Variants in HEMK2 observed in about 807,000 individuals in gnomAD.
HEMK2 encodes the protein methyltransferase HEMK2.
At chr21:28,740,290 A>G in the HEMK2 span, among the ~76,000 whole-genome samples, 1 of 152,232 alleles carries the variant, frequency 6.6e-6, no homozygotes. Context: ...AGACCACGCA[A>G]TAAGATTTTC....
chr21:28,791,831 G>A, the HEMK2 span, among the ~76,000 whole-genome samples: 2 of 152,080 alleles, frequency 1.3e-5, no homozygotes, highest in Non-Finnish European at 2.9e-5. Context: ...CTGCTGGGCT[G>A]TATTCCCAGG....
the HEMK2 span, among the ~76,000 whole-genome samples, chr21:28,709,761 A>G: frequency 1.6e-4 from 24 of 152,296 alleles, no homozygotes; most frequent in African/African-American, 5.8e-4. Flanking sequence ...ACAGGAAACT[A>G]GAGGGCTGGG....
At chr21:28,661,551 T>C in the HEMK2 span, among the ~76,000 whole-genome samples, 1 of 152,032 alleles carries the variant, frequency 6.6e-6, no homozygotes, top group Admixed American at 6.6e-5. Context: ...AAATAACATA[T>C]ATATGTATGC....
chr21:28,823,567 C>T, the HEMK2 span, among the ~76,000 whole-genome samples: 23 of 152,050 alleles, frequency 1.5e-4, no homozygotes, highest in African/African-American at 4.6e-4. Context: ...CAACCTAATC[C>T]GCAATGTGGG....
chr21:28,769,669 A>T, the HEMK2 span, among the ~76,000 whole-genome samples: 64 of 152,270 alleles, frequency 4.2e-4, no homozygotes, highest in Non-Finnish European at 8.4e-4. Context: ...ATGACTCAAA[A>T]GGGAACCAGT....
the HEMK2 span, among the ~76,000 whole-genome samples, chr21:28,635,708 G>A: frequency 6.6e-6 from 1 of 152,028 alleles, no homozygotes; most frequent in Non-Finnish European, 1.5e-5. Flanking sequence ...TAAATATGAG[G>A]AAACAGTGGC....
chr21:28,649,765 C>A, the HEMK2 span, among the ~76,000 whole-genome samples: 6 of 152,098 alleles, frequency 3.9e-5, no homozygotes, highest in South Asian at 1.3e-3. Context: ...AAGGGAACAA[C>A]AAATGCTAAG....
chr21:28,683,289 T>C, the HEMK2 span, among the ~76,000 whole-genome samples: 1 of 151,988 alleles, frequency 6.6e-6, no homozygotes, highest in African/African-American at 2.4e-5. Context: ...GTATAACAAT[T>C]ATGAGCAGAT....
the HEMK2 span, among the ~76,000 whole-genome samples, chr21:28,697,769 T>A: frequency 4.8e-4 from 33 of 69,432 alleles, no homozygotes; most frequent in South Asian, 0.015. Context: ...GCCTGCAGAA[T>A]CATGAGCCCA....
chr21:28,717,343 C>G, the HEMK2 span, among the ~76,000 whole-genome samples: 1 of 152,178 alleles, frequency 6.6e-6, no homozygotes, highest in East Asian at 1.9e-4. Flanking sequence ...CTTTTTGATT[C>G]AATCTAGGGT....
the HEMK2 span, among the ~76,000 whole-genome samples, chr21:28,794,020 C>T: frequency 1.3e-5 from 2 of 152,140 alleles, no homozygotes; most frequent in African/African-American, 4.8e-5. Flanking sequence ...TTTAAGACAT[C>T]CACTGTGTGG....
At chr21:28,855,873 G>C in the HEMK2 span, among the ~76,000 whole-genome samples, 1 of 152,196 alleles carries the variant, frequency 6.6e-6, no homozygotes. Context: ...GCAGTGTTAA[G>C]AGGGAGGTTG....
At chr21:28,682,819 G>C in the HEMK2 span, among the ~76,000 whole-genome samples, 4 of 151,956 alleles carry the variant, frequency 2.6e-5, no homozygotes, top group Non-Finnish European at 5.9e-5. Context: ...ACCAAACACC[G>C]CATGTTCTCA....
At chr21:28,734,195 C>T in the HEMK2 span, among the ~76,000 whole-genome samples, 1 of 152,098 alleles carries the variant, frequency 6.6e-6, no homozygotes, top group Non-Finnish European at 1.5e-5. Flanking sequence ...TAGACAGTAG[C>T]CCCCCGAAGA....
the HEMK2 span, among the ~76,000 whole-genome samples, chr21:28,851,794 A>C: frequency 6.6e-6 from 1 of 152,202 alleles, no homozygotes; most frequent in Non-Finnish European, 1.5e-5. Flanking sequence ...AATGACACAA[A>C]GTCAGAGAGC....
the HEMK2 span, among the ~76,000 whole-genome samples, chr21:28,783,550 C>A: frequency 1.3e-5 from 2 of 152,194 alleles, no homozygotes. Flanking sequence ...CACATAAGGC[C>A]AGGTAAGAAA....
the HEMK2 span, chr21:28,876,391 C>G: frequency 2.5e-6 from 4 of 1,603,830 alleles, no homozygotes; most frequent in Non-Finnish European, 3.4e-6. Flanking sequence ...TATGCTAAGA[C>G]TTGGTGAACT....
the HEMK2 span, among the ~76,000 whole-genome samples, chr21:28,586,333 C>T: frequency 1.2e-4 from 18 of 152,180 alleles, no homozygotes; most frequent in African/African-American, 4.3e-4. Flanking sequence ...CAGGCTGCTA[C>T]CACAATATCT....
the HEMK2 span, among the ~76,000 whole-genome samples, chr21:28,727,178 G>A: frequency 6.6e-6 from 1 of 152,130 alleles, no homozygotes; most frequent in Admixed American, 6.6e-5. Context: ...GCAAATATAG[G>A]GGATTTGAGG....
Sources: allele counts gnomAD v4.1 joint callset (sites outside exome capture counted in the v4.1 genomes callset), GRCh38; gene constraint gnomAD v4.1.1; transcripts MANE v1.5; gene names NCBI Gene and HGNC (gene_info 2026-07-23, HGNC 2026-07-21).